The following STARD13 variants were observed in gnomAD, a reference collection of about 807,000 sequenced individuals.
STARD13 encodes the protein stAR-related lipid transfer protein 13.
STARD13 carries 62 observed loss-of-function variants against 106.4 expected under a neutral mutation model. The ratio of observed to expected loss-of-function variants is 0.58; its 90% CI spans 0.48 to 0.72. STARD13 has a LOEUF of 0.72. STARD13 is among the 30% of genes least tolerant of loss of function. The pLI is 0.00. For missense variants in STARD13, 1,387 were observed against 1,424.0 expected, an observed-to-expected ratio of 0.97 and a Z score of 0.42; for synonymous variants, 565 against 553.0, an observed-to-expected ratio of 1.02 and a Z score of -0.31.
At chr13:33,466,288 C>T in the STARD13 span, among the ~76,000 whole-genome samples, 1 of 152,148 alleles carries the variant, frequency 6.6e-6, no homozygotes, top group Non-Finnish European at 1.5e-5. Flanking sequence ...TATGACGGGA[C>T]TCTAACTCTC....
At chr13:33,435,164 G>A in the STARD13 span, among the ~76,000 whole-genome samples, 2,430 of 152,306 alleles carry the variant, frequency 0.016, 63 homozygotes, top group African/African-American at 0.055. Flanking sequence ...ATATTTGTTA[G>A]TAGGGCAGGT....
At chr13:33,631,883 T>C in the STARD13 span, among the ~76,000 whole-genome samples, 2 of 152,148 alleles carry the variant, frequency 1.3e-5, no homozygotes, top group African/African-American at 2.4e-5. Context: ...GTTACAGTAA[T>C]GGGAAGAAAG....
At chr13:33,460,115 G>A in the STARD13 span, among the ~76,000 whole-genome samples, 2 of 152,012 alleles carry the variant, frequency 1.3e-5, no homozygotes, top group Non-Finnish European at 2.9e-5. Context: ...AGGCCATTAT[G>A]TCTTCAACTA....
At chr13:33,160,859 G>T (rs1340621058) in intron 3 of STARD13, among the ~76,000 whole-genome samples, 2 of 152,274 alleles carry the variant, frequency 1.3e-5, no homozygotes, top group East Asian at 3.9e-4. Flanking sequence ...AAATTTGGTG[G>T]TTAATTATAA....
chr13:33,519,508 C>T, the STARD13 span, among the ~76,000 whole-genome samples: 1 of 151,704 alleles, frequency 6.6e-6, no homozygotes. Context: ...TTTTTATCCA[C>T]TGGCCTCCAC....
At chr13:33,672,128 C>T in the STARD13 span, among the ~76,000 whole-genome samples, 3 of 152,168 alleles carry the variant, frequency 2.0e-5, no homozygotes, top group Non-Finnish European at 4.4e-5. Context: ...AAATGCCCAT[C>T]AATGATAGAC....
At chr13:33,296,559 C>T (rs1044437587) in intron 1 of STARD13, among the ~76,000 whole-genome samples, 6 of 152,092 alleles carry the variant, frequency 3.9e-5, no homozygotes, top group African/African-American at 1.4e-4. Flanking sequence ...CTCCCCCATT[C>T]CGCATCCCCT....
At chr13:33,522,525 C>G in the STARD13 span, among the ~76,000 whole-genome samples, 1 of 152,254 alleles carries the variant, frequency 6.6e-6, no homozygotes, top group East Asian at 1.9e-4. Context: ...CAAAAATCTT[C>G]CATGTTCTGC....
At chr13:33,475,742 G>A in the STARD13 span, among the ~76,000 whole-genome samples, 1 of 152,168 alleles carries the variant, frequency 6.6e-6, no homozygotes, top group Admixed American at 6.5e-5. Flanking sequence ...CAGATCACAA[G>A]GTCAAGAGAT....
the STARD13 span, among the ~76,000 whole-genome samples, chr13:33,378,181 C>A: frequency 1.3e-5 from 2 of 152,194 alleles, no homozygotes; most frequent in Admixed American, 6.5e-5. Flanking sequence ...TTAAAACTGG[C>A]AAAGCAAGCA....
intron 1 of STARD13, chr13:33,281,242 T>C (rs941320452): frequency 2.6e-5 from 4 of 152,226 alleles, no homozygotes; most frequent in Non-Finnish European, 5.9e-5. Flanking sequence ...ATACAGAGCC[T>C]GGATGCCTGT....
chr13:33,137,921 G>A (rs1879270073), intron 4 of STARD13, among the ~76,000 whole-genome samples: 1 of 138,864 alleles, frequency 7.2e-6, no homozygotes, highest in South Asian at 2.7e-4. Context: ...AAGGGAGTGG[G>A]AAGTAGGGGT....
the STARD13 span, among the ~76,000 whole-genome samples, chr13:33,537,631 T>TA: frequency 6.6e-6 from 1 of 151,964 alleles, no homozygotes; most frequent in Non-Finnish European, 1.5e-5. Flanking sequence ...GAAATTACGG[T>TA]AAAAAATCAA....
the STARD13 span, among the ~76,000 whole-genome samples, chr13:33,487,504 G>A: frequency 6.6e-6 from 1 of 152,284 alleles, no homozygotes; most frequent in Non-Finnish European, 1.5e-5. Context: ...AGTTCAGAAT[G>A]TGGATGTAAG....
the STARD13 span, among the ~76,000 whole-genome samples, chr13:33,453,947 T>C: frequency 6.6e-6 from 1 of 152,200 alleles, no homozygotes; most frequent in East Asian, 1.9e-4. Context: ...AAACTGATAG[T>C]TCGTGATGTG....
chr13:33,650,380 C>T, the STARD13 span, among the ~76,000 whole-genome samples: 1 of 150,256 alleles, frequency 6.7e-6, no homozygotes, highest in Non-Finnish European at 1.5e-5. Flanking sequence ...TTAGTAGAGA[C>T]GGGGTTTCAC....
At chr13:33,181,648 A>G (rs1407984743) in intron 1 of STARD13, among the ~76,000 whole-genome samples, 1 of 152,266 alleles carries the variant, frequency 6.6e-6, no homozygotes, top group Non-Finnish European at 1.5e-5. Context: ...TGTAAGCTCC[A>G]TATGAAAATA....
chr13:33,210,522 A>G (rs1194702205), intron 1 of STARD13, among the ~76,000 whole-genome samples: 5 of 152,222 alleles, frequency 3.3e-5, no homozygotes, highest in Non-Finnish European at 5.9e-5. Flanking sequence ...TTAGTGCGTT[A>G]ATGTACATAA....
the STARD13 span, among the ~76,000 whole-genome samples, chr13:33,539,962 T>C: frequency 6.6e-6 from 1 of 152,200 alleles, no homozygotes; most frequent in African/African-American, 2.4e-5. Context: ...AAATAACTCC[T>C]ACAACTCAAT....
Sources: allele counts gnomAD v4.1 joint callset (sites outside exome capture counted in the v4.1 genomes callset), GRCh38; gene constraint gnomAD v4.1.1; transcripts MANE v1.5; gene names NCBI Gene and HGNC (gene_info 2026-07-23, HGNC 2026-07-21).